SAMTOR: variants seen among roughly 807,000 people sequenced by gnomAD.
The protein encoded by SAMTOR is UPF0532 protein C7orf60.
chr7:112,894,658 G>A, the SAMTOR span, among the ~76,000 whole-genome samples: 1 of 152,142 alleles, frequency 6.6e-6, no homozygotes, highest in East Asian at 1.9e-4. Flanking sequence ...ATCAGATCTC[G>A]TGAGACTTAC....
At chr7:112,878,602 G>A in the SAMTOR span, among the ~76,000 whole-genome samples, 1 of 152,130 alleles carries the variant, frequency 6.6e-6, no homozygotes, top group Non-Finnish European at 1.5e-5. Flanking sequence ...TCCTGGTGAA[G>A]GGAATAAGTA....
At chr7:112,861,916 C>T in the SAMTOR span, among the ~76,000 whole-genome samples, 3 of 152,126 alleles carry the variant, frequency 2.0e-5, no homozygotes, top group African/African-American at 7.2e-5. Context: ...TGATTCCATC[C>T]TATTCTAAAT....
the SAMTOR span, among the ~76,000 whole-genome samples, chr7:112,833,343 G>A: frequency 6.6e-6 from 1 of 152,098 alleles, no homozygotes; most frequent in Non-Finnish European, 1.5e-5. Flanking sequence ...GAATCAGAAA[G>A]GCTAAGACCA....
the SAMTOR span, among the ~76,000 whole-genome samples, chr7:112,824,602 C>T: frequency 6.6e-6 from 1 of 152,076 alleles, no homozygotes; most frequent in East Asian, 1.9e-4. Flanking sequence ...ATCTTGTGAT[C>T]CGCCCACCTT....
chr7:112,929,535 A>C, the SAMTOR span, among the ~76,000 whole-genome samples: 13 of 152,074 alleles, frequency 8.5e-5, no homozygotes, highest in Non-Finnish European at 1.5e-4. Flanking sequence ...GTTCCTAAAA[A>C]AATTAAAAAT....
At chr7:112,853,655 T>C in the SAMTOR span, among the ~76,000 whole-genome samples, 21 of 152,236 alleles carry the variant, frequency 1.4e-4, no homozygotes, top group East Asian at 3.7e-3. Context: ...TGTTGTTTTT[T>C]CAAAGTGCTC....
the SAMTOR span, among the ~76,000 whole-genome samples, chr7:112,876,754 C>T: frequency 1.3e-5 from 2 of 152,166 alleles, no homozygotes; most frequent in East Asian, 3.9e-4. Context: ...GGATGAATTG[C>T]TTGGCATAAT....
chr7:112,822,260 A>G, the SAMTOR span: 2 of 1,613,594 alleles, frequency 1.2e-6, no homozygotes, highest in Non-Finnish European at 8.5e-7. Flanking sequence ...AAAGCTCTCC[A>G]GGAAGAGAAT....
the SAMTOR span, among the ~76,000 whole-genome samples, chr7:112,851,433 T>C: frequency 1.3e-5 from 2 of 151,882 alleles, no homozygotes; most frequent in East Asian, 3.9e-4. Context: ...TCAACAAAAA[T>C]ATACAATGGG....
chr7:112,854,801 G>T, the SAMTOR span, among the ~76,000 whole-genome samples: 1 of 152,046 alleles, frequency 6.6e-6, no homozygotes, highest in Non-Finnish European at 1.5e-5. Flanking sequence ...CTTAACAAAG[G>T]CAAGTATATC....
chr7:112,929,912 G>T, the SAMTOR span, among the ~76,000 whole-genome samples: 1 of 151,976 alleles, frequency 6.6e-6, no homozygotes, highest in African/African-American at 2.4e-5. Flanking sequence ...AAAATGATGT[G>T]CCACAAGCAT....
At chr7:112,935,294 TA>T in the SAMTOR span, 1 of 397,242 alleles carries the variant, frequency 2.5e-6, no homozygotes, top group South Asian at 1.9e-5. Flanking sequence ...AAAGTTCAAT[TA>T]AAAGGAGTCT....
the SAMTOR span, among the ~76,000 whole-genome samples, chr7:112,822,988 G>A: frequency 6.6e-6 from 1 of 151,908 alleles, no homozygotes; most frequent in Non-Finnish European, 1.5e-5. Context: ...ATACAACAGA[G>A]GAATGAATAA....
chr7:112,902,425 AAAACAAAAAAAAACAAAAAAAAAC>A, the SAMTOR span, among the ~76,000 whole-genome samples: 1,538 of 99,882 alleles, frequency 0.015, 141 homozygotes, highest in African/African-American at 0.03. Context: ...TCAAAAAAAA[AAAACAAAAAAAAACAAAAAAAAAC>A]AAAAAAAAAA....
chr7:112,862,276 T>C, the SAMTOR span, among the ~76,000 whole-genome samples: 2 of 152,092 alleles, frequency 1.3e-5, no homozygotes, highest in African/African-American at 4.8e-5. Context: ...AAACAAAACA[T>C]GGAAAACATG....
At chr7:112,883,379 A>G in the SAMTOR span, among the ~76,000 whole-genome samples, 6 of 152,360 alleles carry the variant, frequency 3.9e-5, no homozygotes, top group African/African-American at 9.6e-5. Flanking sequence ...ATAACTACAT[A>G]TATCAAGTAT....
the SAMTOR span, among the ~76,000 whole-genome samples, chr7:112,885,760 T>C: frequency 6.6e-6 from 1 of 152,194 alleles, no homozygotes; most frequent in Non-Finnish European, 1.5e-5. Context: ...TACTGTCTTC[T>C]TCTGAGCCCT....
chr7:112,885,723 T>C, the SAMTOR span, among the ~76,000 whole-genome samples: 1 of 152,210 alleles, frequency 6.6e-6, no homozygotes, highest in African/African-American at 2.4e-5. Flanking sequence ...TTCAAGTCTC[T>C]TGGAAGTTCC....
At chr7:112,853,591 G>C in the SAMTOR span, among the ~76,000 whole-genome samples, 1 of 152,132 alleles carries the variant, frequency 6.6e-6, no homozygotes, top group East Asian at 1.9e-4. Context: ...TTTGCTTATT[G>C]AGTAAGAAAA....
Sources: allele counts gnomAD v4.1 joint callset (sites outside exome capture counted in the v4.1 genomes callset), GRCh38; gene constraint gnomAD v4.1.1; transcripts MANE v1.5; gene names NCBI Gene and HGNC (gene_info 2026-07-23, HGNC 2026-07-21).